The following ZZEF1 variants were observed in gnomAD, a reference collection of about 807,000 sequenced individuals.
ZZEF1 encodes the protein zinc finger ZZ-type and EF-hand domain-containing protein 1.
In ZZEF1, 157 loss-of-function variants were observed where a neutral mutation model predicts 342.8. That is an observed-to-expected ratio of 0.46 (90% confidence interval 0.40 to 0.52). The LOEUF is 0.52. Ranked by LOEUF, ZZEF1 falls within the 20% of genes least tolerant of loss-of-function variation. The pLI is 0.00. For missense variants in ZZEF1, 3,480 were observed against 3,725.6 expected (o/e 0.93, Z 1.72); for synonymous variants, 1,505 against 1,429.1 (o/e 1.05, Z -1.20).
intron 3 of ZZEF1, among the ~76,000 whole-genome samples, chr17:4,115,752 T>C (rs757864902): frequency 9.2e-5 from 14 of 152,204 alleles, no homozygotes; most frequent in Non-Finnish European, 1.8e-4. Flanking sequence ...TTTAGTCAAT[T>C]GTATCTGTAA....
chr17:4,140,649 A>G (rs1381924985), intron 1 of ZZEF1, among the ~76,000 whole-genome samples: 4 of 152,204 alleles, frequency 2.6e-5, no homozygotes, highest in Non-Finnish European at 2.9e-5. Flanking sequence ...CCACACCTCA[A>G]GTATTTCTTG....
At chr17:4,090,526 GCTCT>G (rs754956480) in intron 12 of ZZEF1, among the ~76,000 whole-genome samples, 189 bp downstream of exon 12, 2 of 152,324 alleles carry the variant, frequency 1.3e-5, no homozygotes, top group African/African-American at 2.4e-5. Flanking sequence ...GTTGCCAACA[GCTCT>G]CTGTCTCTCC....
chr17:4,027,207 T>G (rs1442406894), intron 42 of ZZEF1, among the ~76,000 whole-genome samples: 2 of 151,088 alleles, frequency 1.3e-5, no homozygotes, highest in African/African-American at 4.9e-5. Flanking sequence ...AATTCCTGGC[T>G]TCAAGCTTTG....
intron 36 of ZZEF1, 54 bp downstream of exon 36, chr17:4,050,727 T>G (rs923673763): frequency 2.5e-6 from 4 of 1,606,536 alleles, no homozygotes; most frequent in Non-Finnish European, 3.4e-6. Flanking sequence ...TGCCAAGGCT[T>G]TTTTTCACCA....
At chr17:4,025,767 T>TA (rs919178453) in intron 42 of ZZEF1, among the ~76,000 whole-genome samples, 2 of 151,886 alleles carry the variant, frequency 1.3e-5, no homozygotes, top group African/African-American at 4.8e-5. Context: ...TCTCCCACCT[T>TA]AAACAACCAG....
At chr17:4,135,125 G>A (rs2058728370) in intron 1 of ZZEF1, among the ~76,000 whole-genome samples, 1 of 152,168 alleles carries the variant, frequency 6.6e-6, no homozygotes, top group African/African-American at 2.4e-5. Context: ...GGAGGGCGCT[G>A]ATCACCCCAG....
At chr17:4,123,274 T>TATAC (rs1316576846) in intron 2 of ZZEF1, among the ~76,000 whole-genome samples, 4 of 77,832 alleles carry the variant, frequency 5.1e-5, no homozygotes, top group Admixed American at 4.8e-4. Flanking sequence ...TAACCATATA[T>TATAC]ATATATATAT....
chr17:4,051,895 AAAAG>A, intron 35 of ZZEF1, 72 bp downstream of exon 35: 2 of 1,493,350 alleles, frequency 1.3e-6, no homozygotes, highest in Non-Finnish European at 9.0e-7. Context: ...CTTTTTTAAA[AAAAG>A]AAAGAAGTCC....
chr17:4,072,510 G>C, intron 25 of ZZEF1, 98 bp downstream of exon 25: 41 of 1,382,314 alleles, frequency 3.0e-5, no homozygotes, highest in Non-Finnish European at 3.6e-5. Flanking sequence ...TGCTTAATAC[G>C]GGTAGTAAGA....
chr17:4,105,633 T>C (rs2058198195), intron 7 of ZZEF1, 60 bp downstream of exon 7: 3 of 1,255,946 alleles, frequency 2.4e-6, no homozygotes, highest in South Asian at 2.6e-5. Context: ...TTTAAAGACT[T>C]AACAAGCATA....
intron 15 of ZZEF1, 26 bp downstream of exon 15, chr17:4,086,460 A>G (rs768469404): frequency 1.1e-5 from 18 of 1,613,418 alleles, no homozygotes; most frequent in Non-Finnish European, 1.4e-5. Flanking sequence ...ACAGGGTTGT[A>G]TTAAAGAGAA....
rs770414936 is a variant in ZZEF1, at chr17:4,044,189, G to A, written c.6166+35C>T. On this transcript the variant is annotated intron_variant, in intron 38 of 54. Coordinates refer to ENST00000381638, the MANE Select transcript of ZZEF1 (RefSeq NM_015113.4). The stretch of plus-strand genomic sequence containing the variant: ...GATGGGTATATGTGCATTTTAAGAT[G>A]AAAGAGATGAAGATAATGGTCAAAT... The A allele has an allele frequency of 5.6e-6, 9 of 1,608,612 alleles. No homozygotes were observed. The Admixed American group carries it at 1.5e-4, about 27-fold the overall frequency.
intron 1 of ZZEF1, among the ~76,000 whole-genome samples, chr17:4,141,957 T>C (rs768656575): frequency 3.9e-5 from 6 of 152,236 alleles, no homozygotes; most frequent in Non-Finnish European, 8.8e-5. Flanking sequence ...GGAAACCTGG[T>C]ATTTGCCTAT....
chr17:4,040,641 C>T (rs1220524395), intron 39 of ZZEF1, among the ~76,000 whole-genome samples: 1 of 152,116 alleles, frequency 6.6e-6, no homozygotes, highest in Non-Finnish European at 1.5e-5. Context: ...AAATATGACA[C>T]AGACTTCATG....
intron 32 of ZZEF1, among the ~76,000 whole-genome samples, chr17:4,056,590 T>A (rs2057164496): frequency 6.6e-6 from 1 of 152,218 alleles, no homozygotes; most frequent in Admixed American, 6.5e-5. Flanking sequence ...TTTGAAAGGT[T>A]GTACCACATG....
At chr17:4,086,335 TTCCCACAGCGGCAATCCCTTTCTGGGG>T in intron 15 of ZZEF1, 124 bp downstream of exon 15, 3 of 527,808 alleles carry the variant, frequency 5.7e-6, no homozygotes, top group Non-Finnish European at 9.9e-6. Context: ...TTCTGGGGGA[TTCCCACAGCGGCAATCCCTTTCTGGGG>T]GATTCCCACA....
Position 4,014,086 on chromosome 17 carries a change from A to G in ZZEF1, c.8413+4T>C. The G allele has an allele frequency of 6.2e-7, 1 of 1,613,898 alleles. No individual in the cohort carries two copies. The highest frequency in any genetic ancestry group is 1.1e-5 in the South Asian group (1 of 91,066). On this transcript the variant is annotated splice_donor_region_variant and intron_variant, in intron 51 of 54. Coordinates refer to ENST00000381638, the MANE Select transcript of ZZEF1 (RefSeq NM_015113.4). The surrounding 1 kb of genome is among the most constrained non-coding windows in gnomAD (Gnocchi z 4.4). Reference sequence around the variant, plus strand: ...GGTGTGAACGCAAAGCCCAGAGCACACACCTGTCTGGAACCGCCCCAGGTG... The same window carrying G: ...GGTGTGAACGCAAAGCCCAGAGCACGCACCTGTCTGGAACCGCCCCAGGTG...
intron 26 of ZZEF1, 129 bp from the exon 27 acceptor site, chr17:4,067,371 G>T: frequency 3.5e-6 from 2 of 571,274 alleles, no homozygotes; most frequent in Non-Finnish European, 5.7e-6. Context: ...ATTGAGGATG[G>T]TAAGAGAGAC....
intron 26 of ZZEF1, among the ~76,000 whole-genome samples, chr17:4,067,706 C>T (rs1007555525): frequency 2.6e-5 from 4 of 151,860 alleles, no homozygotes; most frequent in African/African-American, 9.7e-5. Context: ...GCTTATAATC[C>T]CAGCACTTTT....
Sources: allele counts gnomAD v4.1 joint callset (sites outside exome capture counted in the v4.1 genomes callset), GRCh38; gene constraint gnomAD v4.1.1; non-coding constraint Gnocchi (gnomAD v3.1); transcripts MANE v1.5; gene names NCBI Gene and HGNC (gene_info 2026-07-23, HGNC 2026-07-21).